The following RPS6KA2 variants were observed in gnomAD, a reference collection of about 807,000 sequenced individuals.
RPS6KA2 encodes the protein ribosomal protein S6 kinase A2.
Under a neutral mutation model 91.8 loss-of-function variants are expected in RPS6KA2, and 42 were observed. That is an observed-to-expected ratio of 0.46 (90% CI 0.36 to 0.59). The LOEUF is 0.59. Among genes scored for constraint, RPS6KA2 ranks in the 20% least tolerant of loss-of-function variants. RPS6KA2 has a pLI of 0.00. For synonymous variants in RPS6KA2, 414 were observed against 393.6 expected (o/e 1.05, Z -0.61); for missense variants, 798 against 978.5 (o/e 0.82, Z 2.46).
At position 166,475,533 on chromosome 6, in the gene RPS6KA2, C is replaced by T. The variant is rs148384554; in HGVS notation, c.908-5628G>A. Among the ~76,000 whole-genome samples the T allele has an allele frequency of 1.4e-3, 211 of 152,308 alleles. 1 individual carries two copies. The highest frequency in any genetic ancestry group is 2.4e-3 in the Non-Finnish European group (166 of 68,032). On this transcript the variant is annotated intron_variant, in intron 10 of 20. Coordinates refer to ENST00000265678, the MANE Select transcript of RPS6KA2 (RefSeq NM_021135.6). ...CAGCATCTGGGACATCTTCTGAGAC[C>T]CAACCCAGGCGTCCTCACAGAGCAG... is the stretch of plus-strand genomic sequence containing the variant.
chr6:166,808,407 A>T (rs1056269527), intron 2 of RPS6KA2, among the ~76,000 whole-genome samples: 3 of 152,160 alleles, frequency 2.0e-5, no homozygotes, highest in Non-Finnish European at 2.9e-5. Context: ...TGTGAGCTGT[A>T]CAATTGATTA....
chr6:166,803,336 T>C (rs1411733694), intron 2 of RPS6KA2, among the ~76,000 whole-genome samples: 1 of 152,214 alleles, frequency 6.6e-6, no homozygotes, highest in Non-Finnish European at 1.5e-5. Context: ...CCATAGTTCC[T>C]AAACCTTTCA....
intron 11 of RPS6KA2, among the ~76,000 whole-genome samples, chr6:166,460,037 G>A (rs1449027504): frequency 2.0e-5 from 3 of 152,198 alleles, no homozygotes; most frequent in South Asian, 2.1e-4. Flanking sequence ...AAAAACCGCC[G>A]ACCCAGAGCC....
rs751967046 is a variant in RPS6KA2, at chr6:166,648,705, G to A, written c.124-109921C>T. Among the ~76,000 whole-genome samples, 17 of 152,010 alleles carry A rather than the reference G, an allele frequency of 1.1e-4. No homozygotes were observed. The highest frequency in any genetic ancestry group is 1.7e-4 in the African/African-American group (7 of 41,356). Reference sequence around the variant, plus strand: ...ACTCTCTGCAGCCGACTCCATCTGCGCATCACTCCGATCTGTATTACAGTG... The same window carrying A: ...ACTCTCTGCAGCCGACTCCATCTGCACATCACTCCGATCTGTATTACAGTG... On this transcript the variant is annotated intron_variant, in intron 2 of 21. Transcript: ENST00000503859. This position sits in a 1 kb window ranked among gnomAD's most constrained non-coding sequence, Gnocchi z 4.8.
intron 2 of RPS6KA2, among the ~76,000 whole-genome samples, chr6:166,739,516 TG>T (rs1365360239): frequency 6.6e-6 from 1 of 152,226 alleles, no homozygotes; most frequent in African/African-American, 2.4e-5. Context: ...CAGAGCAGGC[TG>T]GGAGTCTGTT....
At chr6:166,480,497 AT>A (rs1562523857) in intron 10 of RPS6KA2, among the ~76,000 whole-genome samples, 5 of 133,686 alleles carry the variant, frequency 3.7e-5, no homozygotes, top group African/African-American at 1.5e-4. Context: ...ATATATATAT[AT>A]ATATATATAT....
exon 1 of RPS6KA2, chr6:166,862,178 CTT>C (rs1562476441): frequency 6.2e-7 from 1 of 1,614,176 alleles, no homozygotes; most frequent in Non-Finnish European, 8.5e-7. Flanking sequence ...CATTTTTAAA[CTT>C]TCCTTTTCTG....
chr6:166,782,364 C>A (rs1778793581), intron 2 of RPS6KA2, among the ~76,000 whole-genome samples: 1 of 152,142 alleles, frequency 6.6e-6, no homozygotes, highest in Admixed American at 6.5e-5. Flanking sequence ...TGCAAAATTA[C>A]CCCTGGTTCA....
intron 2 of RPS6KA2, among the ~76,000 whole-genome samples, chr6:166,680,595 C>T (rs1314734246): frequency 4.6e-5 from 7 of 152,148 alleles, no homozygotes; most frequent in African/African-American, 1.4e-4. Context: ...AGCACGAGCC[C>T]GCCAGGAGGG....
chr6:166,528,895 GGTGATCATTAAAAA>G (rs1246618668), intron 3 of RPS6KA2, among the ~76,000 whole-genome samples: 1 of 152,172 alleles, frequency 6.6e-6, no homozygotes, highest in East Asian at 1.9e-4. Flanking sequence ...CAGTTAGAAT[GGTGATCATTAAAAA>G]GTCAGGAAAC....
chr6:166,435,112 A>G lies in RPS6KA2; in HGVS notation c.1333-2622T>C, dbSNP rs1014964715. On this transcript the variant is annotated intron_variant, in intron 14 of 20. Coordinates refer to ENST00000265678, the MANE Select transcript of RPS6KA2 (RefSeq NM_021135.6). The surrounding 1 kb of genome is among the most constrained non-coding windows in gnomAD (Gnocchi z 4.3). ...TTCAGCTTACTATTTTGTAAGCTGA[A>G]ATTGCAGGACAACGTGACTATTATT... Among the ~76,000 whole-genome samples, 1 of 152,206 alleles carries G rather than the reference A, an allele frequency of 6.6e-6. No homozygotes were observed. The highest frequency in any genetic ancestry group is 2.4e-5 in the African/African-American group (1 of 41,446).
intron 1 of RPS6KA2, among the ~76,000 whole-genome samples, chr6:166,576,590 GA>G (rs1169611136): frequency 6.6e-6 from 1 of 152,198 alleles, no homozygotes; most frequent in Non-Finnish European, 1.5e-5. Context: ...GTGGAAGTGT[GA>G]ACTTAAGAGA....
At chr6:166,707,226 T>C (rs1011648184) in intron 2 of RPS6KA2, among the ~76,000 whole-genome samples, 11 of 152,244 alleles carry the variant, frequency 7.2e-5, no homozygotes, top group Non-Finnish European at 1.6e-4. Context: ...GGGGCAGCTC[T>C]GCTCTCTGTG....
intron 1 of RPS6KA2, among the ~76,000 whole-genome samples, chr6:166,586,683 C>G (rs1016599557): frequency 6.6e-6 from 1 of 152,140 alleles, no homozygotes. Flanking sequence ...CCTCTCCAAA[C>G]AAGTCTTTTA....
At chr6:166,833,956 A>T (rs1292228451) in intron 2 of RPS6KA2, among the ~76,000 whole-genome samples, 1 of 151,326 alleles carries the variant, frequency 6.6e-6, no homozygotes, top group Non-Finnish European at 1.5e-5. Context: ...CTGGTCTCAA[A>T]CTCCTGGCCT....
intron 2 of RPS6KA2, among the ~76,000 whole-genome samples, chr6:166,789,135 C>A (rs1442588196): frequency 1.3e-5 from 2 of 152,172 alleles, no homozygotes; most frequent in African/African-American, 4.8e-5. Flanking sequence ...CACACGGCAC[C>A]TGGAAAATCG....
In RPS6KA2 at chr6:166,726,821, A is replaced by C. The variant is rs780658764; in HGVS notation, c.123+131379T>G. ...AGTGTTTGGCAGATGAAACCCCTCC[A>C]CCAGGGAGGTGACGGGTCTCAGGGA... On this transcript the variant is annotated intron_variant, in intron 2 of 21. Transcript: ENST00000503859. This position sits in a 1 kb window ranked among gnomAD's most constrained non-coding sequence, Gnocchi z 4.4. Among the ~76,000 whole-genome samples, 14 of 152,150 alleles carry C rather than the reference A, an allele frequency of 9.2e-5. No individual in the cohort carries two copies. Among genetic ancestry groups the C allele is most frequent in the Non-Finnish European group, 1.3e-4 (9 of 68,024 alleles).
intron 1 of RPS6KA2, among the ~76,000 whole-genome samples, chr6:166,859,958 T>A (rs1781006308): frequency 6.6e-6 from 1 of 152,220 alleles, no homozygotes; most frequent in Non-Finnish European, 1.5e-5. Context: ...AGGCTCCTCC[T>A]GCAAGGGTTT....
chr6:166,790,003 C>G (rs555757255), intron 2 of RPS6KA2, among the ~76,000 whole-genome samples: 1 of 152,204 alleles, frequency 6.6e-6, no homozygotes, highest in Non-Finnish European at 1.5e-5. Context: ...TGGAACAAAG[C>G]TGGACGGAGA....
Sources: gnomAD v4.1 joint callset for allele counts (sites outside exome capture counted in the v4.1 genomes callset) on GRCh38, gnomAD v4.1.1 for gene constraint, Gnocchi (gnomAD v3.1) non-coding constraint, MANE v1.5 for transcripts, NCBI Gene and HGNC (gene_info 2026-07-23, HGNC 2026-07-21) for gene names.